The following CSMD3 variants were observed in gnomAD, a reference collection of about 807,000 sequenced individuals.
The protein encoded by CSMD3 is CUB and Sushi multiple domains 3.
Under a neutral mutation model 435.2 loss-of-function variants are expected in CSMD3, and 177 were observed. That is an observed-to-expected ratio of 0.41 (90% confidence interval 0.36 to 0.46). The LOEUF (loss-of-function observed/expected upper bound fraction) is 0.46. CSMD3 is among the 20% of genes least tolerant of loss of function. The pLI is 0.34. For synonymous variants in CSMD3, 1,656 were observed against 1,520.5 expected (o/e 1.09, Z -2.07); for missense variants, 4,265 against 4,504.6 (o/e 0.95, Z 1.52).
chr8:112,432,187 T>A (rs79556451), intron 32 of CSMD3, among the ~76,000 whole-genome samples: 1 of 152,296 alleles, frequency 6.6e-6, no homozygotes, highest in African/African-American at 2.4e-5. Context: ...TAATAAATAT[T>A]TTCCTGTAAT....
chr8:112,287,817 A>C (rs1819362761), intron 57 of CSMD3, among the ~76,000 whole-genome samples: 1 of 152,240 alleles, frequency 6.6e-6, no homozygotes, highest in South Asian at 2.1e-4. Context: ...CGTATATGAA[A>C]ACATAAAAAT....
intron 22 of CSMD3, among the ~76,000 whole-genome samples, chr8:112,600,163 T>C (rs1401409946): frequency 6.6e-6 from 1 of 152,048 alleles, no homozygotes; most frequent in Non-Finnish European, 1.5e-5. Flanking sequence ...TTAAATATAA[T>C]AACTCAAGAC....
chr8:113,350,447 G>A (rs1156693744), intron 1 of CSMD3, among the ~76,000 whole-genome samples: 1 of 151,982 alleles, frequency 6.6e-6, no homozygotes, highest in African/African-American at 2.4e-5. Flanking sequence ...TCTAATTAAG[G>A]AGCAAACAAG....
intron 43 of CSMD3, among the ~76,000 whole-genome samples, chr8:112,337,177 C>A (rs113462268): frequency 2.6e-5 from 4 of 152,042 alleles, no homozygotes; most frequent in African/African-American, 4.8e-5. Flanking sequence ...AGGTTCAAAG[C>A]CTTTTATTTC....
chr8:113,366,442 CCTTA>C (rs1563750396), intron 1 of CSMD3, among the ~76,000 whole-genome samples: 2 of 151,918 alleles, frequency 1.3e-5, no homozygotes, highest in East Asian at 3.9e-4. Context: ...AAACCAAATA[CCTTA>C]CTAAGAACTG....
intron 22 of CSMD3, among the ~76,000 whole-genome samples, chr8:112,596,358 T>C (rs1179101324): frequency 6.6e-6 from 1 of 152,002 alleles, no homozygotes; most frequent in Admixed American, 6.6e-5. Context: ...GCACCCAGAT[T>C]CATAAAGCAA....
intron 59 of CSMD3, among the ~76,000 whole-genome samples, chr8:112,275,531 G>C (rs757303431): frequency 7.9e-5 from 12 of 152,022 alleles, no homozygotes; most frequent in Non-Finnish European, 1.3e-4. Flanking sequence ...TGGGCAACAA[G>C]AGCGAAACTC....
At chr8:113,220,949 C>A (rs1479366160) in intron 3 of CSMD3, among the ~76,000 whole-genome samples, 2 of 151,222 alleles carry the variant, frequency 1.3e-5, no homozygotes, top group Non-Finnish European at 3.0e-5. Flanking sequence ...AAACAACAGA[C>A]AAACCCCAAA....
chr8:113,238,899 C>T (rs2093179996), intron 3 of CSMD3, among the ~76,000 whole-genome samples: 1 of 152,066 alleles, frequency 6.6e-6, no homozygotes. Context: ...CATGGGATTC[C>T]AAGATACTTG....
chr8:112,679,897 T>G (rs960014869), intron 16 of CSMD3, among the ~76,000 whole-genome samples: 2 of 152,178 alleles, frequency 1.3e-5, no homozygotes, highest in African/African-American at 4.8e-5. Flanking sequence ...CAGGGTAACT[T>G]TGGAGCTACT....
At chr8:112,314,074 AT>A in intron 48 of CSMD3, 22 bp from the exon 49 acceptor site, 1 of 1,555,864 alleles carries the variant, frequency 6.4e-7, no homozygotes, top group Non-Finnish European at 8.9e-7. Flanking sequence ...AAATAAAACA[AT>A]TTAGATAAAG....
intron 31 of CSMD3, among the ~76,000 whole-genome samples, chr8:112,485,048 A>T (rs566967573): frequency 1.3e-5 from 2 of 152,160 alleles, no homozygotes; most frequent in Non-Finnish European, 2.9e-5. Context: ...GTTTATAACA[A>T]TGTTAATGAT....
intron 1 of CSMD3, among the ~76,000 whole-genome samples, chr8:113,346,535 G>A (rs1291694666): frequency 6.6e-6 from 1 of 151,994 alleles, no homozygotes; most frequent in African/African-American, 2.4e-5. Context: ...TTAAAAAATG[G>A]AACTTTGTAT....
intron 16 of CSMD3, among the ~76,000 whole-genome samples, chr8:112,666,672 G>C (rs1037556062): frequency 6.6e-6 from 1 of 152,058 alleles, no homozygotes; most frequent in African/African-American, 2.4e-5. Flanking sequence ...TTAAGTCTCT[G>C]AATAATACCC....
At chr8:112,377,536 C>G (rs1196357599) in intron 38 of CSMD3, among the ~76,000 whole-genome samples, 2 of 152,008 alleles carry the variant, frequency 1.3e-5, no homozygotes, top group Non-Finnish European at 2.9e-5. Context: ...GCCAAAGACA[C>G]CACAAGAAAA....
Position 113,314,784 on chromosome 8 carries a change from T to C in CSMD3, c.188A>G (p.Tyr63Cys). ...TCCTTTTAAAGTTCCACCACATGTA[T>C]AAATAAATCCTGCAACAAAAGACAA... The part of the protein sequence containing the change: ...LTVSCVKGFI[Y>C]TCGGTLKGLN... The change falls in exon 2 of 71, where the codon TAT (tyrosine) becomes TGT (cysteine). Residue 63 changes from tyrosine (Y) to cysteine (C), a missense_variant. Physicochemically the swap from Tyr to Cys is radical, Grantham distance 194 (BLOSUM62 -2). This residue lies in a region of CSMD3 where 731 missense variants were observed against 755.4 expected (regional missense o/e 0.97). Transcript: ENST00000297405. 2 of 1,598,388 alleles carry C rather than the reference T, an allele frequency of 1.3e-6. No homozygotes were observed. The highest frequency in any genetic ancestry group is 1.7e-6 in the Non-Finnish European group (2 of 1,166,320).
Position 112,386,572 on chromosome 8 carries a change from A to C in CSMD3, c.5935-2909T>G, listed in dbSNP as rs1043992663. On this transcript the variant is annotated intron_variant, in intron 36 of 70. Coordinates refer to ENST00000297405, the MANE Select transcript of CSMD3 (RefSeq NM_198123.2). ...GAGTGCAGTGGCGCGATCTTAGCTC[A>C]CTGCAACCTCTGCCTCCCGGGTTCA... Among the ~76,000 whole-genome samples, 155 of 151,838 alleles carry C rather than the reference A, an allele frequency of 1.0e-3. 2 individuals are homozygous for C. Among genetic ancestry groups the C allele is most frequent in the Non-Finnish European group, 1.3e-4 (9 of 67,976 alleles).
At chr8:112,381,690 G>A (rs551158295) in intron 37 of CSMD3, among the ~76,000 whole-genome samples, 1 of 152,096 alleles carries the variant, frequency 6.6e-6, no homozygotes, top group South Asian at 2.1e-4. Flanking sequence ...CTGAAGACAG[G>A]GATAAACAGA....
chr8:112,989,757 A>G (rs1051467696), intron 6 of CSMD3, among the ~76,000 whole-genome samples: 2 of 151,872 alleles, frequency 1.3e-5, no homozygotes, highest in African/African-American at 4.8e-5. Flanking sequence ...TGACTTCTGG[A>G]GCTTCACTTT....
Sources: allele counts gnomAD v4.1 joint callset (sites outside exome capture counted in the v4.1 genomes callset), GRCh38; gene constraint gnomAD v4.1.1; regional missense constraint gnomAD v4.1.1; transcripts MANE v1.5; gene names NCBI Gene and HGNC (gene_info 2026-07-23, HGNC 2026-07-21).